BDP1: variants seen among roughly 807,000 people sequenced by gnomAD.
The protein encoded by BDP1 is transcription factor TFIIIB component B'' homolog.
Under a neutral mutation model 266.6 loss-of-function variants are expected in BDP1, and 169 were observed. The ratio of observed to expected loss-of-function variants is 0.63; its 90% CI spans 0.56 to 0.72. BDP1 has a LOEUF of 0.72. BDP1 is among the 30% of genes least tolerant of loss of function. The pLI is 0.00. For missense variants in BDP1, 3,015 were observed against 3,053.8 expected, an observed-to-expected ratio of 0.99 and a Z score of 0.30; for synonymous variants, 1,090 against 1,022.4, an observed-to-expected ratio of 1.07 and a Z score of -1.26.
Position 71,495,393 on chromosome 5 carries a change from T to TA in BDP1, c.1790dup (p.Asn597LysfsTer2). ...TGTATAGAAGAAAGAAATGTTGACCTAAAAAATAATTCACTGTAAGTATTT... is the reference window on the plus strand; with the variant it reads ...TGTATAGAAGAAAGAAATGTTGACCTAAAAAAATAATTCACTGTAAGTATTT... On this transcript the variant is annotated frameshift_variant, in exon 12 of 39. Transcript: ENST00000358731. LOFTEE classifies it high-confidence loss of function. 2 of 1,576,454 alleles carry TA rather than the reference T, an allele frequency of 1.3e-6. No homozygotes were observed. The highest frequency in any genetic ancestry group is 1.2e-5 in the South Asian group (1 of 82,626).
At chr5:71,562,226 A>AAAATT in intron 37 of BDP1, 48 bp from the exon 38 acceptor site, 2 of 981,798 alleles carry the variant, frequency 2.0e-6, no homozygotes, top group Non-Finnish European at 3.0e-6. Flanking sequence ...AAAAAAAAGA[A>AAAATT]TGTGTCTTCC....
intron 38 of BDP1, 57 bp downstream of exon 38, chr5:71,562,577 C>A: frequency 6.4e-7 from 1 of 1,558,732 alleles, no homozygotes; most frequent in Non-Finnish European, 8.7e-7. Flanking sequence ...ATATGAGATT[C>A]AACTAGGGAA....
At chr5:71,576,708 G>T in the BDP1 span, among the ~76,000 whole-genome samples, 7 of 152,174 alleles carry the variant, frequency 4.6e-5, no homozygotes, top group Non-Finnish European at 8.8e-5. Flanking sequence ...CACAAACTTT[G>T]CTGGCATTGG....
chr5:71,488,927 C>T (rs534104218), intron 9 of BDP1, among the ~76,000 whole-genome samples: 4 of 150,664 alleles, frequency 2.7e-5, no homozygotes, highest in South Asian at 2.1e-4. Flanking sequence ...AGGCTGGTCT[C>T]GAACTGCTGA....
intron 26 of BDP1, among the ~76,000 whole-genome samples, chr5:71,535,659 G>C (rs556473658): frequency 2.0e-5 from 3 of 152,024 alleles, no homozygotes; most frequent in Admixed American, 6.6e-5. Flanking sequence ...CTAAAATCAA[G>C]GTGTCACCAA....
chr5:71,556,530 T>A (rs1743228105), intron 35 of BDP1, among the ~76,000 whole-genome samples: 1 of 152,132 alleles, frequency 6.6e-6, no homozygotes, highest in Admixed American at 6.6e-5. Context: ...TCTCCTCAGG[T>A]CTGTTGGTTT....
rs779707168 is a variant in BDP1 at position 71,510,006 on chromosome 5, G to A, written c.2914G>A (p.Glu972Lys). The change falls in exon 17 of 39, where the codon GAG (glutamate) becomes AAG (lysine). Residue 972 changes from glutamate to lysine, a missense_variant. By Grantham distance (56) the Glu-to-Lys change is moderately conservative. Coordinates refer to ENST00000358731, the MANE Select transcript of BDP1 (RefSeq NM_018429.3). ...NESSPREKTPEVTDATEEIDK... is the reference protein window; with the variant it reads ...NESSPREKTPKVTDATEEIDK... ...GAGTTCCCCAAGGGAGAAGACACCA[G>A]AGGTGACTGATGCCACTGAGGAAAT... 1.2e-6 allele frequency: 2 copies of A among 1,614,046 alleles called. No individual in the cohort carries two copies. Among genetic ancestry groups the A allele is most frequent in the African/African-American group, 1.3e-5 (1 of 75,016 alleles).
At chr5:71,497,050 G>A (rs1763939963) in intron 12 of BDP1, among the ~76,000 whole-genome samples, 1 of 152,048 alleles carries the variant, frequency 6.6e-6, no homozygotes, top group Admixed American at 6.6e-5. Context: ...TCATTTATCT[G>A]TTTATTCATA....
rs1762173452 is a variant in BDP1 at position 71,470,507 on chromosome 5, C to T, written c.1014+18C>T. ...AAATTAAGGTAAAGTAAACCCATCA[C>T]ATTTGTTGATTGGAAAGAGACCAAA... On this transcript the variant is annotated intron_variant, in intron 7 of 38. Transcript: ENST00000358731. 2.7e-6 allele frequency: 4 copies of T among 1,504,842 alleles called. No homozygotes were observed. The highest frequency in any genetic ancestry group is 3.7e-6 in the Non-Finnish European group (4 of 1,088,222). The allele number at this position is 1,504,842 out of a possible 1,614,324, so 93.2% of individuals were successfully genotyped here.
At chr5:71,487,343 G>A (rs1306838360) in intron 9 of BDP1, among the ~76,000 whole-genome samples, 3 of 152,038 alleles carry the variant, frequency 2.0e-5, no homozygotes, top group Non-Finnish European at 4.4e-5. Context: ...CCGGGTTCAC[G>A]CCATTCTCCT....
intron 7 of BDP1, among the ~76,000 whole-genome samples, chr5:71,481,263 G>A (rs1317963108): frequency 2.0e-5 from 3 of 150,026 alleles, no homozygotes; most frequent in East Asian, 1.9e-4. Context: ...TTTTTAAAGC[G>A]CAGTGGGCCA....
In BDP1 at chr5:71,542,176, A is replaced by G; in HGVS notation, c.6323A>G (p.Glu2108Gly). Residue 2108 changes from glutamate (E) to glycine (G), a missense_variant, in exon 30 of 39, where the codon GAG becomes GGG. Physicochemically the swap from Glu to Gly is moderately conservative, Grantham distance 98. Transcript: ENST00000358731. ...CTTGCTAAGCCTAAACCAAATCTTG[A>G]GAAGACTTTAGGGACCAACAGGCTT... ...SRLAKPKPNL[E>G]KTLGTNRLDD... The G allele has an allele frequency of 6.2e-7, 1 of 1,613,736 alleles. No homozygotes were observed. The highest frequency in any genetic ancestry group is 1.7e-4 in the Middle Eastern group (1 of 6,058).
rs752380741 is a variant in BDP1 at position 71,524,337 on chromosome 5, T to G, written c.5772+14T>G. 1 of 1,566,360 alleles carries G rather than the reference T, an allele frequency of 6.4e-7. No homozygotes were observed. The highest frequency in any genetic ancestry group is 1.2e-5 in the South Asian group (1 of 84,360). The stretch of plus-strand genomic sequence containing the variant: ...ACAATGGAAGAGGTTCGGTTTTTTT[T>G]TAAAACCTTGGTACTTTATCTTACT... On this transcript the variant is annotated intron_variant, in intron 25 of 38. Coordinates refer to ENST00000358731, the MANE Select transcript of BDP1 (RefSeq NM_018429.3).
chr5:71,534,761 C>CTTCCCGAGTAGCTGGGATTACA (rs1766484024), intron 26 of BDP1, among the ~76,000 whole-genome samples: 1 of 152,208 alleles, frequency 6.6e-6, no homozygotes, highest in Non-Finnish European at 1.5e-5. Flanking sequence ...CCTGTCTCAG[C>CTTCCCGAGTAGCTGGGATTACA]TTCCCGAGTA....
Position 71,545,125 on chromosome 5 carries a change from T to C in BDP1, c.6650T>C (p.Leu2217Pro), listed in dbSNP as rs1402506948. 2 of 1,613,602 alleles carry C rather than the reference T, an allele frequency of 1.2e-6. No individual in the cohort carries two copies. The highest frequency in any genetic ancestry group is 1.7e-6 in the Non-Finnish European group (2 of 1,179,886). Residue 2217 changes from leucine to proline, a missense_variant, in exon 32 of 39, where the codon CTT becomes CCT. By Grantham distance (98) the Leu-to-Pro change is moderately conservative (BLOSUM62 -3). This residue lies in a region of BDP1 where 629 missense variants were observed against 632.5 expected (regional missense o/e 0.99). Transcript: ENST00000358731. ...TCCTCTGAGACAGGGCCCTGCACAC[T>C]TGGTTTGGATAGGGGTCTTGGTGAA... ...VASSETGPCT[L>P]GLDRGLGENS...
chr5:71,542,247 G>A lies in BDP1; in HGVS notation c.6394G>A (p.Glu2132Lys), dbSNP rs1310812203. The change falls in exon 30 of 39, where the codon GAA (glutamate) becomes AAA (lysine). Residue 2132 changes from glutamate (E) to lysine (K), a missense_variant. Transcript: ENST00000358731. ...CAGTTTGTGTGTAACCAAAGGGGCA[G>A]AAATGGAAACTCAAAGAGGTAAATT... ...VSSLCVTKGA[E>K]METQRETEKN... The A allele has an allele frequency of 6.2e-7, 1 of 1,609,678 alleles. No homozygotes were observed. Among genetic ancestry groups the A allele is most frequent in the Non-Finnish European group, 8.5e-7 (1 of 1,178,980 alleles).
At chr5:71,509,143 A>G (rs1273408769) in intron 16 of BDP1, among the ~76,000 whole-genome samples, 2 of 152,232 alleles carry the variant, frequency 1.3e-5, no homozygotes, top group Non-Finnish European at 2.9e-5. Flanking sequence ...GCTCCAATGC[A>G]GAGAACTGGA....
downstream of BDP1, among the ~76,000 whole-genome samples, chr5:71,568,306 A>G (rs192976341): frequency 1.8e-4 from 28 of 152,312 alleles, no homozygotes; most frequent in African/African-American, 6.3e-4. Flanking sequence ...CCTGTCTTAC[A>G]TTGGGTTTCA....
rs747270502 is a variant in BDP1 at position 71,510,457 on chromosome 5, G to A, written c.3365G>A (p.Gly1122Glu). The change falls in exon 17 of 39, where the codon GGA becomes GAA. Residue 1122 changes from glycine to glutamate, a missense_variant. Gly to Glu is a moderately conservative substitution (Grantham distance 98). Transcript: ENST00000358731. ...GEMQTDLKAT[G>E]REISPREKTP... Reference sequence around the variant, plus strand: ...ATGCAAACAGATTTGAAAGCAACCGGAAGGGAGATTTCCCCAAGGGAGAAG... The same window carrying A: ...ATGCAAACAGATTTGAAAGCAACCGAAAGGGAGATTTCCCCAAGGGAGAAG... The A allele has an allele frequency of 8.7e-6, 14 of 1,613,786 alleles. No individual in the cohort carries two copies. The highest frequency in any genetic ancestry group is 3.3e-4 in the Middle Eastern group (2 of 6,080).
Sources: allele counts gnomAD v4.1 joint callset (sites outside exome capture counted in the v4.1 genomes callset), GRCh38; gene constraint gnomAD v4.1.1; regional missense constraint gnomAD v4.1.1; transcripts MANE v1.5; gene names NCBI Gene and HGNC (gene_info 2026-07-23, HGNC 2026-07-21).